The following DLGAP1 variants were observed in gnomAD, a reference collection of about 807,000 sequenced individuals.
The protein encoded by DLGAP1 is disks large-associated protein 1.
Under a neutral mutation model 90.8 loss-of-function variants are expected in DLGAP1, and 11 were observed. The ratio of observed to expected loss-of-function variants is 0.12; its 90% CI spans 0.08 to 0.20. DLGAP1 has a LOEUF of 0.20. Among genes scored for constraint, DLGAP1 ranks in the 10% least tolerant of loss-of-function variants. The pLI is 1.00. For missense variants in DLGAP1, 1,050 were observed against 1,333.8 expected (o/e 0.79, Z 3.31); for synonymous variants, 558 against 540.7 (o/e 1.03, Z -0.44).
At chr18:3,635,296 G>A (rs76193063) in intron 7 of DLGAP1, among the ~76,000 whole-genome samples, 2,714 of 151,850 alleles carry the variant, frequency 0.018, 38 homozygotes, top group African/African-American at 0.028. Flanking sequence ...ACGCCCGGCT[G>A]ATTTTTTTGT....
chr18:4,065,481 A>G (rs144352234), intron 2 of DLGAP1, among the ~76,000 whole-genome samples: 1 of 152,292 alleles, frequency 6.6e-6, no homozygotes, highest in East Asian at 1.9e-4. Flanking sequence ...AAATTTCAGG[A>G]TACAAAATTA....
At chr18:3,576,309 G>C (rs1007333907) in intron 8 of DLGAP1, among the ~76,000 whole-genome samples, 3 of 151,438 alleles carry the variant, frequency 2.0e-5, no homozygotes, top group African/African-American at 7.3e-5. Context: ...GCCCAGGCTG[G>C]AGTGCAGTGG....
rs764007912 is a variant in DLGAP1 at position 3,517,546 on chromosome 18, G to A, written c.2480-8885C>T. On this transcript the variant is annotated intron_variant, in intron 10 of 12. Transcript: ENST00000315677. This position sits in a 1 kb window ranked among gnomAD's most constrained non-coding sequence, Gnocchi z 4.1. ...GAATTGAAGAGAGTTGGCCGGGCGC[G>A]GTGGCTCATGCCTGTAATCCCAGCA... Among the ~76,000 whole-genome samples, 4 of 152,160 alleles carry A rather than the reference G, an allele frequency of 2.6e-5. No individual in the cohort carries two copies. Among genetic ancestry groups the A allele is most frequent in the Admixed American group, 2.0e-4 (3 of 15,278 alleles).
intron 8 of DLGAP1, among the ~76,000 whole-genome samples, chr18:3,573,648 C>CT (rs1352625215): frequency 2.0e-5 from 3 of 151,516 alleles, no homozygotes; most frequent in South Asian, 2.1e-4. Flanking sequence ...TTTTTCTTCA[C>CT]TTTTTTTGCA....
At chr18:4,066,472 A>C (rs187633185) in intron 2 of DLGAP1, among the ~76,000 whole-genome samples, 1 of 152,290 alleles carries the variant, frequency 6.6e-6, no homozygotes, top group African/African-American at 2.4e-5. Context: ...AACTTAAACA[A>C]ATTTACAAGA....
At chr18:3,900,784 A>T (rs185949556) in intron 3 of DLGAP1, among the ~76,000 whole-genome samples, 7 of 152,282 alleles carry the variant, frequency 4.6e-5, no homozygotes, top group Admixed American at 4.6e-4. Flanking sequence ...GTTTGATGTA[A>T]CAGAATCCCG....
rs1463520721 is a variant in DLGAP1, at chr18:4,303,183, T to C, written c.-267+151823A>G. Among the ~76,000 whole-genome samples the C allele has an allele frequency of 2.6e-5, 4 of 152,226 alleles. No individual in the cohort carries two copies. The Middle Eastern group carries it at 9.5e-3, about 361-fold the overall frequency. ...ATGAACGAAATCAATTAGTCTGATA[T>C]CGATAGCTTCATTGAGCTCTGGAAA... is the stretch of plus-strand genomic sequence containing the variant. On this transcript the variant is annotated intron_variant, in intron 1 of 12. Coordinates refer to ENST00000315677, the MANE Select transcript of DLGAP1 (RefSeq NM_004746.4).
chr18:4,191,086 C>G (rs1029991562), intron 1 of DLGAP1, among the ~76,000 whole-genome samples: 4 of 151,990 alleles, frequency 2.6e-5, no homozygotes, highest in Non-Finnish European at 5.9e-5. Flanking sequence ...AAATTTTTTT[C>G]ATTCATGGAC....
rs185030659 is a variant in DLGAP1, at chr18:4,362,767, C to T, written c.-267+92239G>A. Among the ~76,000 whole-genome samples the T allele has an allele frequency of 2.5e-3, 386 of 152,096 alleles. 1 individual carries two copies. The highest frequency in any genetic ancestry group is 8.9e-3 in the African/African-American group (371 of 41,478). ...ACGTACATTTTACCATAATGAAAAA[C>T]ACTGGATGAAAATGTTCAAAAATAA... On this transcript the variant is annotated intron_variant, in intron 1 of 12. Transcript: ENST00000315677.
At chr18:3,636,289 A>C (rs7230740) in intron 7 of DLGAP1, among the ~76,000 whole-genome samples, 53,881 of 151,238 alleles carry the variant, frequency 0.36, 10,772 homozygotes, top group East Asian at 0.78. Context: ...ACCTTTCATT[A>C]ACTAATTATA....
At chr18:4,108,274 G>A (rs1192113870) in intron 2 of DLGAP1, among the ~76,000 whole-genome samples, 1 of 152,154 alleles carries the variant, frequency 6.6e-6, no homozygotes, top group Non-Finnish European at 1.5e-5. Context: ...GACAGGCCTT[G>A]TTCAGTTCCC....
intron 7 of DLGAP1, among the ~76,000 whole-genome samples, chr18:3,657,568 C>CAAATTCCAT (rs1462740726): frequency 6.6e-6 from 1 of 150,590 alleles, no homozygotes; most frequent in African/African-American, 2.4e-5. Context: ...TTCTTTATGG[C>CAAATTCCAT]AAATTCCATA....
At chr18:4,092,049 G>T (rs1462655429) in intron 2 of DLGAP1, among the ~76,000 whole-genome samples, 1 of 152,108 alleles carries the variant, frequency 6.6e-6, no homozygotes, top group Non-Finnish European at 1.5e-5. Flanking sequence ...GGTCAATCTA[G>T]TTAGAAGTTG....
chr18:3,975,975 G>A (rs923891847), intron 3 of DLGAP1, among the ~76,000 whole-genome samples: 16 of 152,182 alleles, frequency 1.1e-4, no homozygotes, highest in Middle Eastern at 6.8e-3. Flanking sequence ...TTGGGAAGAC[G>A]AACAGGTTCT....
chr18:3,639,755 C>CTTTTTTTTTTT (rs58862252), intron 7 of DLGAP1, among the ~76,000 whole-genome samples: 1,541 of 118,024 alleles, frequency 0.013, 94 homozygotes, highest in East Asian at 0.097. Context: ...GCAGAGTTGC[C>CTTTTTTTTTTT]TTTTTTTTTT....
At chr18:4,382,040 GACTTGC>G (rs1366432707) in intron 1 of DLGAP1, among the ~76,000 whole-genome samples, 1 of 152,108 alleles carries the variant, frequency 6.6e-6, no homozygotes, top group Non-Finnish European at 1.5e-5. Context: ...GCACGGGAAA[GACTTGC>G]CCCCATGATT....
At chr18:4,385,515 C>A (rs944566152) in intron 1 of DLGAP1, among the ~76,000 whole-genome samples, 20 of 151,874 alleles carry the variant, frequency 1.3e-4, no homozygotes, top group African/African-American at 4.8e-4. Context: ...TTGATCACAT[C>A]TGATTTGAGA....
intron 1 of DLGAP1, among the ~76,000 whole-genome samples, chr18:4,307,841 G>C (rs528575311): frequency 6.6e-6 from 1 of 150,890 alleles, no homozygotes; most frequent in African/African-American, 2.4e-5. Context: ...TCAGCCTCTC[G>C]AGTTGCTGGA....
At chr18:4,111,904 T>A (rs1021122865) in intron 2 of DLGAP1, among the ~76,000 whole-genome samples, 4 of 151,380 alleles carry the variant, frequency 2.6e-5, no homozygotes, top group Non-Finnish European at 5.9e-5. Flanking sequence ...GTTTTATTGA[T>A]TTTTCTCTTT....
Sources: gnomAD v4.1 joint callset for allele counts (sites outside exome capture counted in the v4.1 genomes callset) on GRCh38, gnomAD v4.1.1 for gene constraint, Gnocchi (gnomAD v3.1) non-coding constraint, MANE v1.5 for transcripts, NCBI Gene and HGNC (gene_info 2026-07-23, HGNC 2026-07-21) for gene names.